COL4A4: variants seen among roughly 807,000 people sequenced by gnomAD.
COL4A4 encodes collagen alpha-4(IV) chain.
In COL4A4, 105 loss-of-function variants were observed where a neutral mutation model predicts 192.9. That is an observed-to-expected ratio of 0.54 (90% CI 0.46 to 0.64). COL4A4 has a LOEUF of 0.64. COL4A4 is among the 30% of genes least tolerant of loss of function. The probability of loss-of-function intolerance (pLI) is 0.00; values close to 1 mark genes in which losing one functional copy is unlikely to be tolerated. For synonymous variants in COL4A4, 762 were observed against 769.9 expected (o/e 0.99, Z 0.17); for missense variants, 1,967 against 2,169.3 (o/e 0.91, Z 1.85).
chr2:227,152,775 C>T lies in COL4A4; in HGVS notation c.-101-5191G>A, dbSNP rs116191350. Among the ~76,000 whole-genome samples the T allele has an allele frequency of 4.7e-3, 714 of 152,300 alleles. 7 individuals carry two copies. Among genetic ancestry groups the T allele is most frequent in the African/African-American group, 0.017 (695 of 41,562 alleles). ...CTTTTGACTGCACCAAACAAAAATA[C>T]CCCATCACTCAGAAGAGCATTCCAC... On this transcript the variant is annotated intron_variant, in intron 1 of 47. Coordinates refer to ENST00000396625, the MANE Select transcript of COL4A4 (RefSeq NM_000092.5).
the COL4A4 span, chr2:226,995,985 A>T: frequency 6.7e-4 from 106 of 159,234 alleles, no homozygotes; most frequent in Non-Finnish European, 1.4e-5. Context: ...CAGGAACAGG[A>T]TGTGGCTGCC....
At chr2:227,062,010 T>C (rs1391836668) in intron 26 of COL4A4, among the ~76,000 whole-genome samples, 2 of 152,046 alleles carry the variant, frequency 1.3e-5, no homozygotes, top group Non-Finnish European at 2.9e-5. Context: ...GAGGCCGAGG[T>C]GGGCGGATCA....
At chr2:227,109,341 C>G in intron 9 of COL4A4, 55 bp from the exon 10 acceptor site, 15 of 1,409,526 alleles carry the variant, frequency 1.1e-5, no homozygotes, top group African/African-American at 1.4e-5. Context: ...TCATCTTTCA[C>G]AGAAAGAGTT....
intron 37 of COL4A4, among the ~76,000 whole-genome samples, chr2:227,041,848 G>GAAAGAGAA (rs1243663359): frequency 1.3e-3 from 51 of 38,612 alleles, no homozygotes; most frequent in Non-Finnish European, 1.7e-3. Context: ...AAGAAAGAAA[G>GAAAGAGAA]AGAAAGAAAG....
intron 32 of COL4A4, among the ~76,000 whole-genome samples, chr2:227,052,103 A>G (rs1338517988): frequency 6.6e-6 from 1 of 152,044 alleles, no homozygotes; most frequent in East Asian, 1.9e-4. Context: ...AGGCAGGAGA[A>G]TCGCTTGAAC....
intron 31 of COL4A4, among the ~76,000 whole-genome samples, chr2:227,053,826 G>A (rs1328435226): frequency 2.0e-5 from 3 of 151,998 alleles, no homozygotes; most frequent in Non-Finnish European, 4.4e-5. Context: ...GATTACAGGC[G>A]TGAGCCACCA....
chr2:227,111,914 A>T (rs2061232500), intron 8 of COL4A4, among the ~76,000 whole-genome samples: 1 of 152,184 alleles, frequency 6.6e-6, no homozygotes, highest in South Asian at 2.1e-4. Flanking sequence ...CCTTCTACCC[A>T]ACAGAGAAAG....
At chr2:227,017,297 C>G (rs949481609) in intron 44 of COL4A4, among the ~76,000 whole-genome samples, 1 of 152,210 alleles carries the variant, frequency 6.6e-6, no homozygotes, top group Non-Finnish European at 1.5e-5. Context: ...AGGCGGAAGA[C>G]ATTTCCTGAG....
downstream of COL4A4, among the ~76,000 whole-genome samples, chr2:227,001,882 T>G (rs1212442160): frequency 6.6e-6 from 1 of 152,128 alleles, no homozygotes; most frequent in East Asian, 1.9e-4. Flanking sequence ...TACTTAAAAG[T>G]AAGTCCAAGG....
intron 24 of COL4A4, among the ~76,000 whole-genome samples, chr2:227,079,751 G>A (rs1163520805): frequency 1.3e-5 from 2 of 152,166 alleles, no homozygotes; most frequent in Non-Finnish European, 1.5e-5. Flanking sequence ...CTGTAAAATT[G>A]GAAAGGTATT....
intron 22 of COL4A4, among the ~76,000 whole-genome samples, chr2:227,083,714 T>C (rs923120346): frequency 3.3e-5 from 5 of 152,202 alleles, no homozygotes; most frequent in African/African-American, 1.2e-4. Flanking sequence ...TCTGAAAGTG[T>C]TGAGGCTACA....
At chr2:227,024,127 C>T (rs1475304304) in intron 43 of COL4A4, among the ~76,000 whole-genome samples, 1 of 152,218 alleles carries the variant, frequency 6.6e-6, no homozygotes, top group African/African-American at 2.4e-5. Flanking sequence ...CATTCTGGCT[C>T]CAAACCCATG....
intron 12 of COL4A4, among the ~76,000 whole-genome samples, chr2:227,108,223 A>G (rs1308476929): frequency 6.6e-6 from 1 of 152,094 alleles, no homozygotes; most frequent in Non-Finnish European, 1.5e-5. Flanking sequence ...TTATATTTGT[A>G]TTTATATGCA....
intron 24 of COL4A4, among the ~76,000 whole-genome samples, chr2:227,078,284 C>T (rs1399239431): frequency 1.3e-5 from 2 of 152,000 alleles, no homozygotes; most frequent in African/African-American, 2.4e-5. Flanking sequence ...TCTCTGTCAC[C>T]CAGGCTGGTG....
chr2:227,143,619 A>G (rs2063361641), intron 3 of COL4A4, among the ~76,000 whole-genome samples: 1 of 152,258 alleles, frequency 6.6e-6, no homozygotes, highest in Non-Finnish European at 1.5e-5. Context: ...AGACTTTTAT[A>G]ACAGGAAAAA....
intron 28 of COL4A4, among the ~76,000 whole-genome samples, 186 bp from the exon 29 acceptor site, chr2:227,057,786 CA>C (rs1176412603): frequency 3.3e-5 from 5 of 152,180 alleles, no homozygotes; most frequent in Non-Finnish European, 7.3e-5. Flanking sequence ...AACAGAGAAA[CA>C]ACGCATTGCT....
rs2065087708 is a variant in COL4A4 at position 227,164,088 on chromosome 2, C to T, written c.-183G>A. ...ACCTCCAGCCCCAATCCACCCGCGC[C>T]CCGCTGCCTCTTCGCGGCGCTCTCG... On this transcript the variant is annotated 5_prime_UTR_variant, in exon 1 of 48. Coordinates refer to ENST00000396625, the MANE Select transcript of COL4A4 (RefSeq NM_000092.5). This position sits in a 1 kb window ranked among gnomAD's most constrained non-coding sequence, Gnocchi z 4.8. 1 of 152,376 alleles carries T rather than the reference C, an allele frequency of 6.6e-6. No homozygotes were observed. The highest frequency in any genetic ancestry group is 6.5e-5 in the Admixed American group (1 of 15,290). The allele number at this position is 152,376 out of a possible 1,614,324, so 9.4% of individuals were successfully genotyped here.
the COL4A4 span, among the ~76,000 whole-genome samples, chr2:226,988,008 G>T: frequency 1.3e-5 from 2 of 152,182 alleles, no homozygotes; most frequent in Non-Finnish European, 2.9e-5. Flanking sequence ...CTGCTAAAAA[G>T]CTGAGAATGG....
chr2:227,078,269 GTCTC>G (rs2059140604), intron 24 of COL4A4, among the ~76,000 whole-genome samples, 192 bp from the exon 25 acceptor site: 1 of 152,056 alleles, frequency 6.6e-6, no homozygotes, highest in Non-Finnish European at 1.5e-5. Context: ...TAGAAATGGA[GTCTC>G]TCTCTGTCAC....
Sources: gnomAD v4.1 joint callset for allele counts (sites outside exome capture counted in the v4.1 genomes callset) on GRCh38, gnomAD v4.1.1 for gene constraint, Gnocchi (gnomAD v3.1) non-coding constraint, MANE v1.5 for transcripts, NCBI Gene and HGNC (gene_info 2026-07-23, HGNC 2026-07-21) for gene names.